Variants in SPOCD1 observed in about 807,000 individuals in gnomAD.
The protein encoded by SPOCD1 is SPOC domain-containing protein 1.
A neutral mutation model predicts 92.2 loss-of-function variants in SPOCD1; 64 were observed. That is an observed-to-expected ratio of 0.69 (90% confidence interval 0.57 to 0.86). The LOEUF is 0.86. SPOCD1 is among the 40% of genes least tolerant of loss of function. SPOCD1 has a pLI of 0.00. For missense variants in SPOCD1, 1,360 were observed against 1,543.1 expected (o/e 0.88, Z 1.99); for synonymous variants, 578 against 619.3 (o/e 0.93, Z 0.99).
In SPOCD1 at chr1:31,799,456, A is replaced by G. The variant is rs1648278021; in HGVS notation, c.1813T>C (p.Tyr605His). The change falls in exon 7 of 16, where the codon TAT becomes CAT. Residue 605 changes from tyrosine to histidine, a missense_variant. Tyr to His is a moderately conservative substitution (Grantham distance 83). Around this residue, in one of 3 missense-constraint regions of SPOCD1, gnomAD observed 606 missense variants for 601.5 expected, o/e 1.01. Transcript: ENST00000360482. ...ACAACAGTGCCCCGCACCCCAATAT[A>G]CAGGGATGGCTTCTCCTGTTGGAGC... Reference protein sequence around the residue: ...AQLQQEKPSLYIGVRGTVVRS... With the variant: ...AQLQQEKPSLHIGVRGTVVRS... 2 of 1,612,012 alleles carry G rather than the reference A, an allele frequency of 1.2e-6. No homozygotes were observed. The highest frequency in any genetic ancestry group is 1.1e-5 in the South Asian group (1 of 90,512).
rs1046125201 is a variant in SPOCD1, at chr1:31,798,533, G to C, written c.1937C>G (p.Ala646Gly). 3 of 1,613,788 alleles carry C rather than the reference G, an allele frequency of 1.9e-6. No individual in the cohort carries two copies. Among genetic ancestry groups the C allele is most frequent in the African/African-American group, 2.7e-5 (2 of 74,948 alleles). Residue 646 changes from alanine (A) to glycine (G), a missense_variant, in exon 8 of 16, where the codon GCA becomes GGA. By Grantham distance (60) the Ala-to-Gly change is moderately conservative (BLOSUM62 0). Around this residue, in one of 3 missense-constraint regions of SPOCD1, gnomAD observed 614 missense variants for 757.8 expected, o/e 0.81. Transcript: ENST00000360482. The surrounding 1 kb of genome is among the most constrained non-coding windows in gnomAD (Gnocchi z 4.1). Reference protein sequence around the residue: ...VVEGIAAGIEAALWDLTQGTN... With the variant: ...VVEGIAAGIEGALWDLTQGTN... ...GCCTTGTGTCAGGTCCCAGAGGGCTGCCTCAATGCCAGCAGCAATGCCCTC... is the reference window on the plus strand; with the variant it reads ...GCCTTGTGTCAGGTCCCAGAGGGCTCCCTCAATGCCAGCAGCAATGCCCTC...
At position 31,796,685 on chromosome 1, in the gene SPOCD1, C is replaced by A. The variant is rs1395475289; in HGVS notation, c.2176G>T (p.Glu726Ter). The A allele has an allele frequency of 3.7e-6, 6 of 1,614,106 alleles. No homozygotes were observed. In the Admixed American group the frequency reaches 1.0e-4, roughly 27 times the overall value. Residue 726 changes from glutamate (E) to a stop codon, truncating the protein, a stop_gained, in exon 10 of 16, where the codon GAG becomes TAG. Coordinates refer to ENST00000360482, the MANE Select transcript of SPOCD1 (RefSeq NM_144569.7). LOFTEE classifies it high-confidence loss of function. Reference sequence around the variant, plus strand: ...TTGGAGGCTGGAAGTCTGCACGGCTCCTTCTGTTGCTGCTCAATGATATTC... The same window carrying A: ...TTGGAGGCTGGAAGTCTGCACGGCTACTTCTGTTGCTGCTCAATGATATTC... ...GLNIIEQQQK[E>*]PCRLPASKMT... is the part of the protein sequence containing the mutation.
At chr1:31,800,379 CTG>C in intron 4 of SPOCD1, 60 bp downstream of exon 4, 1 of 1,482,402 alleles carries the variant, frequency 6.7e-7, no homozygotes, top group Admixed American at 2.4e-5. Flanking sequence ...AGTGACATCT[CTG>C]TGAATCAGGT....
intron 10 of SPOCD1, chr1:31,794,501 C>CTTTTTTTTTTTTTTTT (rs869084604): frequency 1.0e-4 from 8 of 76,912 alleles, no homozygotes; most frequent in African/African-American, 2.6e-4. Flanking sequence ...TTTTTCTTTT[C>CTTTTTTTTTTTTTTTT]TTTTTTTTTT....
In SPOCD1 at chr1:31,790,466, A is replaced by G; in HGVS notation, c.*137T>C. On this transcript the variant is annotated 3_prime_UTR_variant, in exon 16 of 16. Transcript: ENST00000360482. ...TTTATTGAACAAAAAATCAACAGCA[A>G]ACATTGTCAAACAGGAAGTTCAAAC... 1 of 796,180 alleles carries G rather than the reference A, an allele frequency of 1.3e-6. No individual in the cohort carries two copies. The highest frequency in any genetic ancestry group is 2.0e-6 in the Non-Finnish European group (1 of 505,022). 49.3% of individuals were successfully genotyped at this position (796,180 alleles called of 1,614,324 possible).
rs768898216 is a variant in SPOCD1, at chr1:31,793,302, C to T, written c.2661G>A (p.Ser887=). 2.1e-5 allele frequency: 33 copies of T among 1,593,830 alleles called. No homozygotes were observed. The highest frequency in any genetic ancestry group is 2.6e-5 in the Non-Finnish European group (31 of 1,170,302). Residue 887 remains serine (S), a synonymous_variant, in exon 13 of 16, where the codon TCG becomes TCA. Transcript: ENST00000360482. ...KRFRARAQLV[S]GHSCRLVQAL... ...CCTGGACAAGCCGACAGCTGTGTCC[C>T]GAGACCAGCTGGGCCCTGGCCCGGA...
chr1:31,814,231 G>A lies in SPOCD1; in HGVS notation c.1103C>T (p.Ala368Val). The A allele has an allele frequency of 6.3e-7, 1 of 1,582,878 alleles. No homozygotes were observed. Among genetic ancestry groups the A allele is most frequent in the Non-Finnish European group, 8.6e-7 (1 of 1,164,110 alleles). The change falls in exon 2 of 16, where the codon GCT (alanine) becomes GTT (valine). Residue 368 changes from alanine (A) to valine (V), a missense_variant. This residue lies in a region of SPOCD1 where 606 missense variants were observed against 601.5 expected (regional missense o/e 1.01). Transcript: ENST00000360482. This position sits in a 1 kb window ranked among gnomAD's most constrained non-coding sequence, Gnocchi z 4.2. ...AQDQEELEAK[A>V]QPASRGRLEQ... ...CAGCCTTCCCCTGGAAGCTGGCTGA[G>A]CCTTGGCCTCCAGCTCCTCCTGGTC...
intron 12 of SPOCD1, 25 bp downstream of exon 12, chr1:31,793,722 C>T: frequency 6.2e-7 from 1 of 1,613,580 alleles, no homozygotes; most frequent in African/African-American, 1.3e-5. Flanking sequence ...CTGGGTTATC[C>T]ACCTCCCTGC....
At position 31,791,062 on chromosome 1, in the gene SPOCD1, G is replaced by A. The variant is rs769899498; in HGVS notation, c.3192C>T (p.Pro1064=). The change falls in exon 16 of 16, where the codon CCC becomes CCT. Residue 1064 remains proline, a synonymous_variant. Transcript: ENST00000360482. ...GGCTCTGCTGCCAGGCACCTCCTGG[G>A]GGAGGGGTGCCCTTCAGGGGCACAT... is the stretch of plus-strand genomic sequence containing the variant. ...RPNVPLKGTP[P]PGGAWQQSQG... 1 of 1,613,010 alleles carries A rather than the reference G, an allele frequency of 6.2e-7. No homozygotes were observed. The highest frequency in any genetic ancestry group is 1.1e-5 in the South Asian group (1 of 90,996).
intron 2 of SPOCD1, among the ~76,000 whole-genome samples, chr1:31,805,074 C>T (rs1212561874): frequency 3.3e-5 from 5 of 150,694 alleles, no homozygotes; most frequent in African/African-American, 7.3e-5. Context: ...CTCCACTTCC[C>T]GGGTTCAAGC....
chr1:31,793,867 G>A lies in SPOCD1; in HGVS notation c.2414C>T (p.Ser805Phe), dbSNP rs746943479. ...CCCGCAGCTCTTGGCGGCTTCGAAG[G>A]AGCCTAGCAGCTCATTCGAGGGCTC... is the stretch of plus-strand genomic sequence containing the variant. ...DWEPSNELLG[S>F]FEAAKSCGDN... Residue 805 changes from serine to phenylalanine, a missense_variant, in exon 12 of 16, where the codon TCC becomes TTC. Physicochemically the swap from Ser to Phe is radical, Grantham distance 155. Transcript: ENST00000360482. 1 of 1,613,684 alleles carries A rather than the reference G, an allele frequency of 6.2e-7. No homozygotes were observed. Among genetic ancestry groups the A allele is most frequent in the Non-Finnish European group, 8.5e-7 (1 of 1,179,634 alleles).
intron 2 of SPOCD1, among the ~76,000 whole-genome samples, chr1:31,803,324 A>G (rs1035169771): frequency 1.1e-4 from 16 of 152,194 alleles, no homozygotes; most frequent in Admixed American, 1.0e-3. Flanking sequence ...AAATATAACG[A>G]TCTTAATTAA....
Position 31,790,683 on chromosome 1 carries a change from G to T in SPOCD1, c.3571C>A (p.Pro1191Thr). 6.4e-7 allele frequency: 1 copy of T among 1,551,934 alleles called. No individual in the cohort carries two copies. The highest frequency in any genetic ancestry group is 8.7e-7 in the Non-Finnish European group (1 of 1,147,084). Reference sequence around the variant, plus strand: ...GAGGAGTCACGGGCTGGGCCAGGGGGCTCTGGAGCTGCAAGGGCGCTAGAC... The same window carrying T: ...GAGGAGTCACGGGCTGGGCCAGGGGTCTCTGGAGCTGCAAGGGCGCTAGAC... Reference protein sequence around the residue: ...RLSSALAAPEPPGPARDSSLG... With the variant: ...RLSSALAAPETPGPARDSSLG... Residue 1191 changes from proline (P) to threonine (T), a missense_variant, in exon 16 of 16, where the codon CCC (proline) becomes ACC (threonine). By Grantham distance (38) the Pro-to-Thr change is conservative. Transcript: ENST00000360482.
intron 9 of SPOCD1, among the ~76,000 whole-genome samples, chr1:31,797,016 T>C (rs990960838): frequency 2.0e-5 from 3 of 152,200 alleles, no homozygotes; most frequent in Admixed American, 2.0e-4. Context: ...GGTGTGGTGT[T>C]GCTGAAAGAG....
In SPOCD1 at chr1:31,793,398, A is replaced by T; in HGVS notation, c.2565T>A (p.Ala855=). ...GGCAGGGCAGGGCCTTTGTGGGTGCAGCAGGCACATGGAGCCCAGATGGAG... is the reference window on the plus strand; with the variant it reads ...GGCAGGGCAGGGCCTTTGTGGGTGCTGCAGGCACATGGAGCCCAGATGGAG... ...RVPPSGLHVP[A]APTKALPCLP... is the part of the protein sequence containing the mutation. The change falls in exon 13 of 16, where the codon GCT becomes GCA. Residue 855 remains alanine (A), a synonymous_variant. Transcript: ENST00000360482. 1 of 1,593,202 alleles carries T rather than the reference A, an allele frequency of 6.3e-7. No individual in the cohort carries two copies.
Position 31,793,324 on chromosome 1 carries a change from C to G in SPOCD1, c.2639G>C (p.Arg880Pro). Residue 880 changes from arginine to proline, a missense_variant, in exon 13 of 16, where the codon CGG becomes CCG. Physicochemically the swap from Arg to Pro is moderately radical, Grantham distance 103. Transcript: ENST00000360482. ...VLDMFSIKRF[R>P]ARAQLVSGHS... is the part of the protein sequence containing the mutation. Reference sequence around the variant, plus strand: ...TCCCGAGACCAGCTGGGCCCTGGCCCGGAACCGCTTGATGGAGAACATGTC... The same window carrying G: ...TCCCGAGACCAGCTGGGCCCTGGCCGGGAACCGCTTGATGGAGAACATGTC... 1.3e-6 allele frequency: 2 copies of G among 1,591,412 alleles called. No homozygotes were observed. Among genetic ancestry groups the G allele is most frequent in the Non-Finnish European group, 1.7e-6 (2 of 1,168,944 alleles).
chr1:31,804,325 A>G (rs1648670029), intron 2 of SPOCD1, among the ~76,000 whole-genome samples: 1 of 152,196 alleles, frequency 6.6e-6, no homozygotes, highest in Non-Finnish European at 1.5e-5. Flanking sequence ...CTAGAAAACC[A>G]AAGAGCTGGG....
chr1:31,795,415 T>C (rs937420471), intron 10 of SPOCD1: 1 of 152,164 alleles, frequency 6.6e-6, no homozygotes, highest in South Asian at 2.1e-4. Flanking sequence ...CCTAGGCCAT[T>C]GTGAGATGTG....
At chr1:31,801,317 TC>T (rs1376635768) in intron 3 of SPOCD1, among the ~76,000 whole-genome samples, 1 of 152,196 alleles carries the variant, frequency 6.6e-6, no homozygotes, top group East Asian at 1.9e-4. Flanking sequence ...TGTAACAAGA[TC>T]CCCCACCTCC....
Sources: allele counts gnomAD v4.1 joint callset (sites outside exome capture counted in the v4.1 genomes callset), GRCh38; gene constraint gnomAD v4.1.1; regional missense constraint gnomAD v4.1.1; non-coding constraint Gnocchi (gnomAD v3.1); transcripts MANE v1.5; gene names NCBI Gene and HGNC (gene_info 2026-07-23, HGNC 2026-07-21).